Variants in ARHGAP30 observed in about 807,000 individuals in gnomAD.
ARHGAP30 encodes rho GTPase-activating protein 30.
ARHGAP30 carries 23 observed loss-of-function variants against 72.0 expected under a neutral mutation model. That is an observed-to-expected ratio of 0.32 (90% CI 0.23 to 0.45). The LOEUF (loss-of-function observed/expected upper bound fraction) is 0.45, where lower values mean the gene tolerates loss of function less well. Among genes scored for constraint, ARHGAP30 ranks in the 20% least tolerant of loss-of-function variants. The pLI, the probability that ARHGAP30 is intolerant of heterozygous loss-of-function variation, is 1.00. For missense variants in ARHGAP30, 1,319 were observed against 1,383.4 expected, an observed-to-expected ratio of 0.95 and a Z score of 0.74; for synonymous variants, 576 against 528.2, an observed-to-expected ratio of 1.09 and a Z score of -1.24.
chr1:161,065,879 ATTTATTTAT>A lies in ARHGAP30; in HGVS notation c.97+3640_97+3648del, dbSNP rs528183643. Among the ~76,000 whole-genome samples, 1,253 of 135,310 alleles carry A rather than the reference ATTTATTTAT, an allele frequency of 9.3e-3. 24 individuals are homozygous for A. The highest frequency in any genetic ancestry group is 0.08 in the South Asian group (349 of 4,350). 88.8% of individuals were successfully genotyped at this position (135,310 alleles called of 152,430 possible). On this transcript the variant is annotated intron_variant, in intron 1 of 11. Coordinates refer to ENST00000368013, the MANE Select transcript of ARHGAP30 (RefSeq NM_001025598.2). ...ACTGCACCCGGCCCCTTATTTATTT[ATTTATTTAT>A]TTATTTATTTATTTATTTATTTATT...
intron 2 of ARHGAP30, among the ~76,000 whole-genome samples, chr1:161,059,371 G>A (rs1396059241): frequency 6.6e-6 from 1 of 151,162 alleles, no homozygotes; most frequent in Non-Finnish European, 1.5e-5. Flanking sequence ...GTGTGTGTGT[G>A]GGAATGGTGT....
rs1336757668 is a variant in ARHGAP30 at position 161,056,468 on chromosome 1, A to G, written c.265T>C (p.Cys89Arg). 1 of 1,614,032 alleles carries G rather than the reference A, an allele frequency of 6.2e-7. No homozygotes were observed. Among genetic ancestry groups the G allele is most frequent in the Admixed American group, 1.7e-5 (1 of 59,988 alleles). Residue 89 changes from cysteine (C) to arginine (R), a missense_variant, in exon 3 of 12, where the codon TGC becomes CGC. This residue lies in a region of ARHGAP30 where 222 missense variants were observed against 338.2 expected (regional missense o/e 0.66). Coordinates refer to ENST00000368013, the MANE Select transcript of ARHGAP30 (RefSeq NM_001025598.2). ...TAGGCCTTGCACAGGGAGGAGACGC[A>G]GTGAATGTCTTGGAGGTAAACATCC... ...RRDVYLQDIH[C>R]VSSLCKAYFR...
chr1:161,064,448 G>A lies in ARHGAP30; in HGVS notation c.98-4732C>T, dbSNP rs16832615. 9.6e-3 allele frequency among the ~76,000 whole-genome samples: 1,464 copies of A among 152,220 alleles called. 27 individuals carry two copies. Among genetic ancestry groups the A allele is most frequent in the African/African-American group, 0.034 (1,402 of 41,524 alleles). On this transcript the variant is annotated intron_variant, in intron 1 of 11. Transcript: ENST00000368013. Reference sequence around the variant, plus strand: ...TAACTAGGACTCATCAGAGCAATTCGTCTCACATATCAGTGTCAGAAAAAG... The same window carrying A: ...TAACTAGGACTCATCAGAGCAATTCATCTCACATATCAGTGTCAGAAAAAG...
At chr1:161,056,920 G>A (rs1170065116) in intron 2 of ARHGAP30, among the ~76,000 whole-genome samples, 1 of 152,126 alleles carries the variant, frequency 6.6e-6, no homozygotes, top group Non-Finnish European at 1.5e-5. Context: ...AAATCTTTAT[G>A]TCCTAGGATT....
rs1015969215 is a variant in ARHGAP30, at chr1:161,055,939, TATAAA to T, written c.345+444_345+448del. Among the ~76,000 whole-genome samples, 32 of 83,606 alleles carry T rather than the reference TATAAA, an allele frequency of 3.8e-4. 1 individual carries two copies. The highest frequency in any genetic ancestry group is 3.4e-3 in the African/African-American group (30 of 8,908). 54.8% of individuals were successfully genotyped at this position (83,606 alleles called of 152,430 possible). A position where few individuals can be genotyped will look rare whatever the true frequency, so the allele number is the denominator to read the frequency against. On this transcript the variant is annotated intron_variant, in intron 3 of 11. Coordinates refer to ENST00000368013, the MANE Select transcript of ARHGAP30 (RefSeq NM_001025598.2). ...ATAAAATAAAATAAAATAAAATAAA[TATAAA>T]ATAAAATAAAATACCAAAGATGTTC... is the stretch of plus-strand genomic sequence containing the variant.
chr1:161,051,902 T>C lies in ARHGAP30; in HGVS notation c.1019-187A>G, dbSNP rs1037279499. 2.6e-5 allele frequency among the ~76,000 whole-genome samples: 4 copies of C among 152,026 alleles called. No homozygotes were observed. In the East Asian group the frequency reaches 7.8e-4, roughly 29 times the overall value. On this transcript the variant is annotated intron_variant, in intron 9 of 11. Coordinates refer to ENST00000368013, the MANE Select transcript of ARHGAP30 (RefSeq NM_001025598.2). ...TTTCACCCAGCCAGTAGGTCAAAGA[T>C]CACCTCACCTTCACATACCTAGGGA...
intron 1 of ARHGAP30, among the ~76,000 whole-genome samples, chr1:161,061,951 G>C (rs1652341388): frequency 6.6e-6 from 1 of 152,164 alleles, no homozygotes; most frequent in Non-Finnish European, 1.5e-5. Context: ...AGCCGGGCGT[G>C]GCAGCGCACG....
At chr1:161,065,054 T>C (rs1397981115) in intron 1 of ARHGAP30, among the ~76,000 whole-genome samples, 1 of 152,132 alleles carries the variant, frequency 6.6e-6, no homozygotes, top group Non-Finnish European at 1.5e-5. Flanking sequence ...TATTTATTTA[T>C]TTTGAGTTGG....
chr1:161,066,263 T>C (rs910171790), intron 1 of ARHGAP30, among the ~76,000 whole-genome samples: 1 of 149,064 alleles, frequency 6.7e-6, no homozygotes, highest in African/African-American at 2.5e-5. Context: ...GGGAAGCATC[T>C]AGTGTGCAAA....
Position 161,052,745 on chromosome 1 carries a change from G to A in ARHGAP30, c.717C>T (p.Gly239=). The A allele has an allele frequency of 1.9e-6, 3 of 1,612,068 alleles. No homozygotes were observed. In the South Asian group the frequency reaches 3.3e-5, roughly 18 times the overall value. ...GCCTGGGCATAAGGTCCTCGGGGCT[G>A]CCTGATGCCCGGGTCCCTGGAAGCG... ...WRSLPGTRAS[G]SPEDLMPRPL... The change falls in exon 7 of 12, where the codon GGC becomes GGT. Residue 239 remains glycine, a synonymous_variant. Transcript: ENST00000368013.
Position 161,052,433 on chromosome 1 carries a change from G to C in ARHGAP30, c.940+7C>G, listed in dbSNP as rs920048184. 6.2e-7 allele frequency: 1 copy of C among 1,613,130 alleles called. No individual in the cohort carries two copies. The highest frequency in any genetic ancestry group is 1.3e-5 in the African/African-American group (1 of 74,554). ...CAGCAGAGCTCCCCCCATCTCCCCA[G>C]ACTTACCCCTGTCCTCAGCCCCCCG... is the stretch of plus-strand genomic sequence containing the variant. On this transcript the variant is annotated splice_region_variant and intron_variant, in intron 8 of 11. Coordinates refer to ENST00000368013, the MANE Select transcript of ARHGAP30 (RefSeq NM_001025598.2).
At position 161,048,605 on chromosome 1, in the gene ARHGAP30, C is replaced by A; in HGVS notation, c.2416G>T (p.Gly806Trp). The A allele has an allele frequency of 6.2e-7, 1 of 1,613,964 alleles. No homozygotes were observed. The highest frequency in any genetic ancestry group is 1.1e-5 in the South Asian group (1 of 91,080). Residue 806 changes from glycine to tryptophan, a missense_variant, in exon 12 of 12, where the codon GGG becomes TGG. Physicochemically the swap from Gly to Trp is radical, Grantham distance 184 (BLOSUM62 -2). This residue lies in a region of ARHGAP30 where 1,097 missense variants were observed against 1,045.2 expected (regional missense o/e 1.05). Transcript: ENST00000368013. ...TGGTCTTTTCTTGCTTCATGGTACC[C>A]CTTCTCCCTCTGTCCTTTGTCCTCA... The part of the protein sequence containing the change: ...EDEDKGQREK[G>W]YHEARKDQGD...
chr1:161,047,469 T>C lies in ARHGAP30; in HGVS notation c.*246A>G, dbSNP rs1262377998. ...ATGTTCCCTTTGGCCAATGACCCAC[T>C]CCCTGGGAACAAGATCTTGTTGACT... On this transcript the variant is annotated 3_prime_UTR_variant, in exon 12 of 12. Coordinates refer to ENST00000368013, the MANE Select transcript of ARHGAP30 (RefSeq NM_001025598.2). 2.9e-6 allele frequency: 1 copy of C among 349,782 alleles called. No individual in the cohort carries two copies. Among genetic ancestry groups the C allele is most frequent in the Non-Finnish European group, 5.1e-6 (1 of 195,938 alleles). 21.7% of individuals were successfully genotyped at this position (349,782 alleles called of 1,614,324 possible). A position where few individuals can be genotyped will look rare whatever the true frequency, so the allele number is the denominator to read the frequency against.
At chr1:161,049,975 CAGAG>C (rs1325014669) in intron 10 of ARHGAP30, among the ~76,000 whole-genome samples, 3 of 152,112 alleles carry the variant, frequency 2.0e-5, no homozygotes, top group African/African-American at 4.8e-5. Flanking sequence ...AACTGAGGCT[CAGAG>C]AGATTAAGCA....
At chr1:161,055,216 G>A (rs1651732915) in intron 3 of ARHGAP30, among the ~76,000 whole-genome samples, 1 of 152,202 alleles carries the variant, frequency 6.6e-6, no homozygotes, top group African/African-American at 2.4e-5. Context: ...GTTCAGGCTG[G>A]GCACAGTGAC....
chr1:161,057,769 C>T (rs184872352), intron 2 of ARHGAP30, among the ~76,000 whole-genome samples: 33 of 152,324 alleles, frequency 2.2e-4, no homozygotes, highest in Admixed American at 5.9e-4. Context: ...AATCCCAACA[C>T]GTTGGGAGGC....
rs143582871 is a variant in ARHGAP30, at chr1:161,049,090, G to A, written c.1931C>T (p.Ala644Val). Residue 644 changes from alanine (A) to valine (V), a missense_variant, in exon 12 of 12, where the codon GCT becomes GTT. Ala to Val is a moderately conservative substitution (Grantham distance 64). Coordinates refer to ENST00000368013, the MANE Select transcript of ARHGAP30 (RefSeq NM_001025598.2). ...EGEAAGCGRQALGQGGEEQAC... is the reference protein window; with the variant it reads ...EGEAAGCGRQVLGQGGEEQAC... ...CTGCTCTTCCCCACCCTGTCCCAGA[G>A]CCTGCCTTCCACATCCTGCTGCCTC... The A allele has an allele frequency of 7.4e-6, 12 of 1,613,980 alleles. No homozygotes were observed. The African/African-American group carries it at 1.2e-4, about 16-fold the overall frequency.
intron 2 of ARHGAP30, among the ~76,000 whole-genome samples, chr1:161,057,497 G>C (rs911994792): frequency 6.6e-6 from 1 of 152,182 alleles, no homozygotes; most frequent in Non-Finnish European, 1.5e-5. Flanking sequence ...TATAGGCCAG[G>C]GGAGGCGGCT....
rs1653036627 is a variant in ARHGAP30, at chr1:161,069,730, AG to A, written c.-107del. 5.0e-5 allele frequency: 62 copies of A among 1,248,954 alleles called. No homozygotes were observed. In the South Asian group the frequency reaches 6.9e-4, roughly 14 times the overall value. 77.4% of individuals were successfully genotyped at this position (1,248,954 alleles called of 1,614,324 possible). On this transcript the variant is annotated 5_prime_UTR_variant, in exon 1 of 12. Transcript: ENST00000368013. The surrounding 1 kb of genome is among the most constrained non-coding windows in gnomAD (Gnocchi z 4.9). ...CAGCTGCTGGGCTTGGCCCGGCCCC[AG>A]GGGGGCAGGGCTCCCAATTGGGGGT...
Sources: gnomAD v4.1 joint callset for allele counts (sites outside exome capture counted in the v4.1 genomes callset) on GRCh38, gnomAD v4.1.1 for gene constraint, gnomAD v4.1.1 regional missense constraint, Gnocchi (gnomAD v3.1) non-coding constraint, MANE v1.5 for transcripts, NCBI Gene and HGNC (gene_info 2026-07-23, HGNC 2026-07-21) for gene names.